The following KLF12 variants were observed in gnomAD, a reference collection of about 807,000 sequenced individuals.
KLF12 encodes the protein Krueppel-like factor 12.
A neutral mutation model predicts 37.8 loss-of-function variants in KLF12; 9 were observed. The observed-to-expected ratio is 0.24, with a 90% CI of 0.14 to 0.42. The LOEUF (loss-of-function observed/expected upper bound fraction) is 0.42. Among genes scored for constraint, KLF12 ranks in the 10% least tolerant of loss-of-function variants. The pLI, the probability that KLF12 is intolerant of heterozygous loss-of-function variation, is 1.00. For missense variants in KLF12, 411 were observed against 516.0 expected (o/e 0.80, Z 1.97); for synonymous variants, 208 against 202.1 (o/e 1.03, Z -0.25).
chr13:73,761,339 C>T (rs780399438), intron 6 of KLF12, among the ~76,000 whole-genome samples: 5 of 152,084 alleles, frequency 3.3e-5, no homozygotes, highest in South Asian at 2.1e-4. Flanking sequence ...TTATGAGCTA[C>T]AGGCAATGAA....
intron 2 of KLF12, among the ~76,000 whole-genome samples, chr13:73,982,697 C>T (rs1360351331): frequency 6.6e-6 from 1 of 152,176 alleles, no homozygotes; most frequent in Non-Finnish European, 1.5e-5. Context: ...CTAAGCAGTA[C>T]ATTCAGAGCA....
At chr13:74,156,930 A>G in the KLF12 span, among the ~76,000 whole-genome samples, 2 of 152,202 alleles carry the variant, frequency 1.3e-5, no homozygotes, top group East Asian at 1.9e-4. Context: ...TGCTGCAACG[A>G]ACATAGGAGT....
chr13:73,760,728 T>C (rs1036487994), intron 6 of KLF12, among the ~76,000 whole-genome samples: 2 of 152,186 alleles, frequency 1.3e-5, no homozygotes, highest in African/African-American at 2.4e-5. Context: ...CAGCCCTTGA[T>C]ACTGGTTTTA....
intron 1 of KLF12, among the ~76,000 whole-genome samples, chr13:74,002,991 T>C (rs1193826600): frequency 6.6e-6 from 1 of 152,246 alleles, no homozygotes; most frequent in African/African-American, 2.4e-5. Flanking sequence ...TGTTTTACCA[T>C]ATGGTTAACA....
At chr13:74,122,803 G>A (rs1192804163) in intron 1 of KLF12, among the ~76,000 whole-genome samples, 1 of 151,914 alleles carries the variant, frequency 6.6e-6, no homozygotes, top group Non-Finnish European at 1.5e-5. Flanking sequence ...ATTTTTGTAA[G>A]CAGTGACTAA....
the KLF12 span, among the ~76,000 whole-genome samples, chr13:74,260,966 C>T: frequency 6.6e-6 from 1 of 152,126 alleles, no homozygotes; most frequent in African/African-American, 2.4e-5. Flanking sequence ...CTTAAGGATA[C>T]ACTGGACTTT....
intron 2 of KLF12, among the ~76,000 whole-genome samples, chr13:73,954,002 G>A (rs4640060): frequency 0.016 from 1,779 of 111,730 alleles, 41 homozygotes; most frequent in African/African-American, 0.052. Context: ...TTTTTGAGAC[G>A]GAGTCTCACT....
At chr13:74,284,886 T>A in the KLF12 span, among the ~76,000 whole-genome samples, 1 of 152,370 alleles carries the variant, frequency 6.6e-6, no homozygotes, top group Admixed American at 6.5e-5. Flanking sequence ...ACATCCCATA[T>A]CCTATTTGAA....
chr13:74,301,985 A>T, the KLF12 span, among the ~76,000 whole-genome samples: 1 of 152,146 alleles, frequency 6.6e-6, no homozygotes, highest in Non-Finnish European at 1.5e-5. Flanking sequence ...ACTTCTGATC[A>T]CCCAGGGACA....
At chr13:73,815,376 G>A (rs540177807) in intron 4 of KLF12, among the ~76,000 whole-genome samples, 1 of 152,302 alleles carries the variant, frequency 6.6e-6, no homozygotes, top group East Asian at 1.9e-4. Context: ...ATATTAAAAG[G>A]GATGTACTGG....
At chr13:74,169,569 G>A in the KLF12 span, among the ~76,000 whole-genome samples, 3 of 152,196 alleles carry the variant, frequency 2.0e-5, no homozygotes. Context: ...TATGCAACTG[G>A]TAGATGTTAT....
At chr13:73,789,223 G>A (rs1447089891) in intron 5 of KLF12, among the ~76,000 whole-genome samples, 2 of 152,180 alleles carry the variant, frequency 1.3e-5, no homozygotes, top group African/African-American at 4.8e-5. Context: ...CTGGACCATG[G>A]TGATACTCTA....
At chr13:73,915,829 G>A (rs985787761) in intron 3 of KLF12, among the ~76,000 whole-genome samples, 2 of 151,560 alleles carry the variant, frequency 1.3e-5, no homozygotes, top group Admixed American at 6.6e-5. Context: ...ACGGCGCCTG[G>A]CCTTTTTCAG....
chr13:74,205,311 T>C, the KLF12 span, among the ~76,000 whole-genome samples: 1 of 152,174 alleles, frequency 6.6e-6, no homozygotes, highest in South Asian at 2.1e-4. Context: ...TATTGTCAGA[T>C]GAAGTTCTTT....
chr13:74,144,995 G>A, the KLF12 span, among the ~76,000 whole-genome samples: 1 of 151,894 alleles, frequency 6.6e-6, no homozygotes, highest in Non-Finnish European at 1.5e-5. Context: ...AGTGTACATC[G>A]TATTTATTAC....
intron 1 of KLF12, among the ~76,000 whole-genome samples, chr13:74,090,985 T>C (rs565369874): frequency 1.3e-5 from 2 of 150,034 alleles, no homozygotes; most frequent in African/African-American, 4.9e-5. Flanking sequence ...CGAAACTTAC[T>C]ACAAAGCATC....
rs976507778 is a variant in KLF12, at chr13:73,774,574, G to A, written c.807-9574C>T. On this transcript the variant is annotated intron_variant, in intron 5 of 7. Transcript: ENST00000377669. ...AGGTCAGTAGTTTTGTTAATTGTTCGAGCAACGATAATTTATCGGTTTGAA... is the reference window on the plus strand; with the variant it reads ...AGGTCAGTAGTTTTGTTAATTGTTCAAGCAACGATAATTTATCGGTTTGAA... Among the ~76,000 whole-genome samples the A allele has an allele frequency of 7.2e-5, 11 of 152,152 alleles. No homozygotes were observed. The East Asian group carries it at 1.2e-3, about 16-fold the overall frequency.
the KLF12 span, among the ~76,000 whole-genome samples, chr13:74,255,031 GC>G: frequency 2.2e-4 from 34 of 152,304 alleles, no homozygotes; most frequent in Admixed American, 2.2e-3. Flanking sequence ...AAAGATTGGT[GC>G]CTGCAAAGGT....
chr13:74,241,061 C>T, the KLF12 span, among the ~76,000 whole-genome samples: 1 of 152,064 alleles, frequency 6.6e-6, no homozygotes. Flanking sequence ...TGTTTTTTCC[C>T]CATCTTTGTG....
Sources: allele counts gnomAD v4.1 joint callset (sites outside exome capture counted in the v4.1 genomes callset), GRCh38; gene constraint gnomAD v4.1.1; transcripts MANE v1.5; gene names NCBI Gene and HGNC (gene_info 2026-07-23, HGNC 2026-07-21).